TERB1: variants seen among roughly 807,000 people sequenced by gnomAD.
TERB1 encodes the protein telomere repeat binding bouquet formation protein 1.
Under a neutral mutation model 92.3 loss-of-function variants are expected in TERB1, and 63 were observed. The observed-to-expected ratio is 0.68, with a 90% CI of 0.56 to 0.84. The LOEUF (loss-of-function observed/expected upper bound fraction) is 0.84, where lower values mean the gene tolerates loss of function less well. Among genes scored for constraint, TERB1 ranks in the 40% least tolerant of loss-of-function variants. The pLI is 0.00. For missense variants in TERB1, 709 were observed against 843.7 expected (o/e 0.84, Z 1.98); for synonymous variants, 252 against 283.9 (o/e 0.89, Z 1.13).
At chr16:66,799,439 G>A (rs979158662) in intron 2 of TERB1, among the ~76,000 whole-genome samples, 1 of 152,054 alleles carries the variant, frequency 6.6e-6, no homozygotes, top group Non-Finnish European at 1.5e-5. Flanking sequence ...TGTTGGCCAC[G>A]CTGGTCTCGA....
chr16:66,795,938 C>T (rs750415574), intron 3 of TERB1, among the ~76,000 whole-genome samples: 54 of 152,050 alleles, frequency 3.6e-4, no homozygotes, highest in African/African-American at 1.2e-3. Flanking sequence ...TTTGTAGAGA[C>T]GAGGTCTCAA....
chr16:66,773,518 C>T (rs1412878312), intron 12 of TERB1, among the ~76,000 whole-genome samples: 1 of 152,150 alleles, frequency 6.6e-6, no homozygotes, highest in African/African-American at 2.4e-5. Flanking sequence ...CAGGTTCCCT[C>T]CTATCACAGG....
At chr16:66,785,942 T>A in intron 8 of TERB1, 34 bp from the exon 9 acceptor site, 9 of 1,530,946 alleles carry the variant, frequency 5.9e-6, no homozygotes, top group Non-Finnish European at 7.9e-6. Flanking sequence ...TGATTTAATA[T>A]GACAATTGGA....
intron 9 of TERB1, among the ~76,000 whole-genome samples, chr16:66,780,068 T>C (rs1017098945): frequency 9.2e-5 from 14 of 152,166 alleles, no homozygotes; most frequent in Admixed American, 9.2e-4. Flanking sequence ...GGTTTGACCA[T>C]GTTCCCCAGG....
chr16:66,783,148 C>G (rs1433199635), intron 9 of TERB1, among the ~76,000 whole-genome samples: 1 of 152,184 alleles, frequency 6.6e-6, no homozygotes, highest in African/African-American at 2.4e-5. Context: ...GGCACTACAC[C>G]TAGTCTCTTG....
chr16:66,795,443 A>G (rs2018913214), intron 3 of TERB1, among the ~76,000 whole-genome samples: 1 of 152,068 alleles, frequency 6.6e-6, no homozygotes, highest in South Asian at 2.1e-4. Context: ...TCTTTTTCCT[A>G]TCTCATTTTC....
intron 16 of TERB1, among the ~76,000 whole-genome samples, chr16:66,759,797 CAAAAAAAA>C (rs762588462): frequency 7.8e-4 from 24 of 30,802 alleles, no homozygotes; most frequent in Non-Finnish European, 1.4e-3. Flanking sequence ...GACTCTGTCT[CAAAAAAAA>C]AAAAAAAAAA....
chr16:66,758,030 T>C (rs2018165784), intron 18 of TERB1, among the ~76,000 whole-genome samples: 1 of 152,252 alleles, frequency 6.6e-6, no homozygotes, highest in Admixed American at 6.5e-5. Flanking sequence ...GAAGCACTTG[T>C]GCATAATAAT....
intron 9 of TERB1, among the ~76,000 whole-genome samples, chr16:66,779,795 G>A (rs113623712): frequency 0.017 from 2,519 of 152,058 alleles, 30 homozygotes; most frequent in Middle Eastern, 0.034. Context: ...TAATTTAACC[G>A]TTCTAAAAGA....
At position 66,770,717 on chromosome 16, in the gene TERB1, T is replaced by A. The variant is rs531873858; in HGVS notation, c.1273-408A>T. Among the ~76,000 whole-genome samples, 54 of 152,290 alleles carry A rather than the reference T, an allele frequency of 3.5e-4. No individual in the cohort carries two copies. In the South Asian group the frequency reaches 0.01, roughly 29 times the overall value. On this transcript the variant is annotated intron_variant, in intron 13 of 18. Coordinates refer to ENST00000433154, the MANE Select transcript of TERB1 (RefSeq NM_001136505.2). ...TCGACCACATAAAAAAAATTTTTTTTAATTCTTCTAGAGACCAAAAACGTT... is the reference window on the plus strand; with the variant it reads ...TCGACCACATAAAAAAAATTTTTTTAAATTCTTCTAGAGACCAAAAACGTT...
rs1466120793 is a variant in TERB1, at chr16:66,758,782, CA to C, written c.1986del (p.Gly663GlufsTer3). The C allele has an allele frequency of 2.0e-6, 3 of 1,528,952 alleles. No homozygotes were observed. The East Asian group carries it at 7.4e-5, about 38-fold the overall frequency. The allele number at this position is 1,528,952 out of a possible 1,614,324, so 94.7% of individuals were successfully genotyped here. A position where few individuals can be genotyped will look rare whatever the true frequency, so the allele number is the denominator to read the frequency against. ...RQRLSNESTT[P>X]GGIKKRRIRK... ...AATTAAATATATTCACTTATTCCTC[CA>C]GGGGTAGTAGATTCATTACTGAGTC... is the stretch of plus-strand genomic sequence containing the variant. On this transcript the variant is annotated frameshift_variant, in exon 18 of 19. Coordinates refer to ENST00000433154, the MANE Select transcript of TERB1 (RefSeq NM_001136505.2). LOFTEE classifies it high-confidence loss of function.
At position 66,765,849 on chromosome 16, in the gene TERB1, A is replaced by ATTTTT. The variant is rs10564947; in HGVS notation, c.1780+1561_1780+1565dup. ...TAGCAAATCAAACAAACTATTGGGT[A>ATTTTT]TTTTTTTTTTTTTTTTTTTTTTTTT... On this transcript the variant is annotated intron_variant, in intron 16 of 18. Coordinates refer to ENST00000433154, the MANE Select transcript of TERB1 (RefSeq NM_001136505.2). Among the ~76,000 whole-genome samples the ATTTTT allele has an allele frequency of 1.4e-3, 86 of 62,508 alleles. 2 individuals are homozygous for ATTTTT. The highest frequency in any genetic ancestry group is 0.017 in the Middle Eastern group (1 of 58). 41.0% of individuals were successfully genotyped at this position (62,508 alleles called of 152,430 possible).
At chr16:66,794,140 C>T (rs1021479605) in intron 3 of TERB1, among the ~76,000 whole-genome samples, 1 of 152,048 alleles carries the variant, frequency 6.6e-6, no homozygotes, top group African/African-American at 2.4e-5. Context: ...CACTATATTG[C>T]CCAGGCTGGA....
At chr16:66,776,058 G>A (rs111364528) in intron 11 of TERB1, among the ~76,000 whole-genome samples, 2,401 of 151,948 alleles carry the variant, frequency 0.016, 54 homozygotes, top group South Asian at 0.096. Flanking sequence ...GGCCGGGCTC[G>A]GTGGCTCACA....
At chr16:66,770,707 A>G (rs1243008070) in intron 13 of TERB1, among the ~76,000 whole-genome samples, 1 of 152,186 alleles carries the variant, frequency 6.6e-6, no homozygotes, top group Non-Finnish European at 1.5e-5. Flanking sequence ...CACATAAAAA[A>G]AATTTTTTTT....
chr16:66,779,736 T>C (rs991029349), intron 9 of TERB1, among the ~76,000 whole-genome samples: 2 of 152,232 alleles, frequency 1.3e-5, no homozygotes, highest in African/African-American at 4.8e-5. Flanking sequence ...GCCTATTTTC[T>C]GCAATCCAAC....
chr16:66,760,593 C>T (rs1241901477), intron 16 of TERB1, among the ~76,000 whole-genome samples: 1 of 133,462 alleles, frequency 7.5e-6, no homozygotes, highest in Non-Finnish European at 1.6e-5. Context: ...CGAGACCAGC[C>T]TGGCCAATAT....
At chr16:66,763,887 T>C (rs2018294031) in intron 16 of TERB1, among the ~76,000 whole-genome samples, 1 of 152,152 alleles carries the variant, frequency 6.6e-6, no homozygotes, top group African/African-American at 2.4e-5. Flanking sequence ...ACGCAGATAG[T>C]TGGCTGAGAT....
In TERB1 at chr16:66,768,017, C is replaced by T. The variant is rs1475119391; in HGVS notation, c.1684+87G>A. 14 of 1,086,212 alleles carry T rather than the reference C, an allele frequency of 1.3e-5. No homozygotes were observed. The Admixed American group carries it at 1.6e-4, about 13-fold the overall frequency. 67.3% of individuals were successfully genotyped at this position (1,086,212 alleles called of 1,614,324 possible). On this transcript the variant is annotated intron_variant, in intron 15 of 18. Coordinates refer to ENST00000433154, the MANE Select transcript of TERB1 (RefSeq NM_001136505.2). ...TGCTGGGATTACAGGCGTGAGCCAC[C>T]GCACCCAGTCAATGTGCATTTTTAG...
Sources: gnomAD v4.1 joint callset for allele counts (sites outside exome capture counted in the v4.1 genomes callset) on GRCh38, gnomAD v4.1.1 for gene constraint, MANE v1.5 for transcripts, NCBI Gene and HGNC (gene_info 2026-07-23, HGNC 2026-07-21) for gene names.